DEDD2: variants seen among roughly 807,000 people sequenced by gnomAD.
DEDD2 encodes the protein death effector domain containing 2.
A neutral mutation model predicts 28.9 loss-of-function variants in DEDD2; 18 were observed. That is an observed-to-expected ratio of 0.62 (90% CI 0.43 to 0.92). The LOEUF is 0.92. DEDD2 is among the 40% of genes least tolerant of loss of function. The pLI is 0.00. For missense variants in DEDD2, 411 were observed against 463.3 expected (o/e 0.89, Z 1.04); for synonymous variants, 211 against 206.1 (o/e 1.02, Z -0.20).
intron 4 of DEDD2, among the ~76,000 whole-genome samples, chr19:42,204,878 A>G (rs2035470078): frequency 6.6e-6 from 1 of 152,084 alleles, no homozygotes; most frequent in Non-Finnish European, 1.5e-5. Context: ...CATCATGTCA[A>G]ATGGAAAGTT....
chr19:42,212,049 TA>T (rs1037274706), intron 3 of DEDD2: 1 of 146,850 alleles, frequency 6.8e-6, no homozygotes, highest in African/African-American at 2.5e-5. Flanking sequence ...ATAATAATAA[TA>T]ATAATAATAA....
intron 4 of DEDD2, among the ~76,000 whole-genome samples, chr19:42,200,973 C>A (rs1030008450): frequency 6.6e-6 from 1 of 152,222 alleles, no homozygotes; most frequent in Non-Finnish European, 1.5e-5. Context: ...TCTCTACACA[C>A]CCAACGAGGC....
chr19:42,212,211 C>T (rs185457378), intron 3 of DEDD2, among the ~76,000 whole-genome samples: 1 of 150,842 alleles, frequency 6.6e-6, no homozygotes, highest in African/African-American at 2.4e-5. Context: ...ACTAAAAATA[C>T]AAAAATCAGC....
chr19:42,211,150 C>T lies in DEDD2; in HGVS notation c.449-1310G>A, dbSNP rs374116039. Among the ~76,000 whole-genome samples the T allele has an allele frequency of 9.2e-4, 140 of 151,980 alleles. 7 individuals are homozygous for T. The South Asian group carries it at 0.028, about 30-fold the overall frequency. On this transcript the variant is annotated intron_variant, in intron 3 of 4. Transcript: ENST00000596251. ...ATGTTGTGGTTCATGTCTGTAATCC[C>T]AGCCTACGCCCTAGGAGTTCAAGAC...
rs1482493254 is a variant in DEDD2 at position 42,211,399 on chromosome 19, AAAAG to A, written c.449-1563_449-1560del. ...GACCCTCAAAGGGAGAAGGGAGAAG[AAAAG>A]GAAGGAAGGAAGGGAGAGAGGGACG... is the stretch of plus-strand genomic sequence containing the variant. On this transcript the variant is annotated intron_variant, in intron 3 of 4. Coordinates refer to ENST00000596251, the MANE Select transcript of DEDD2 (RefSeq NM_133328.4). 9.7e-5 allele frequency among the ~76,000 whole-genome samples: 14 copies of A among 144,350 alleles called. No homozygotes were observed. In the East Asian group the frequency reaches 3.0e-3, roughly 31 times the overall value. 94.7% of individuals were successfully genotyped at this position (144,350 alleles called of 152,430 possible).
rs1387945541 is a variant in DEDD2 at position 42,215,253 on chromosome 19, C to T, written c.329-1G>A. The T allele has an allele frequency of 6.2e-7, 1 of 1,613,860 alleles. No homozygotes were observed. Among genetic ancestry groups the T allele is most frequent in the Non-Finnish European group, 8.5e-7 (1 of 1,179,828 alleles). On this transcript the variant is annotated splice_acceptor_variant, in intron 2 of 4. Transcript: ENST00000596251. LOFTEE classifies it high-confidence loss of function. ...CCATAGCTATAGCGTTCTGGAGACA[C>T]TGGAGGAAGAGAAGAACAGGAAGAA...
rs939598392 is a variant in DEDD2, at chr19:42,199,856, G to A, written c.590-27C>T. On this transcript the variant is annotated intron_variant, in intron 4 of 4. Coordinates refer to ENST00000596251, the MANE Select transcript of DEDD2 (RefSeq NM_133328.4). The surrounding 1 kb of genome is among the most constrained non-coding windows in gnomAD (Gnocchi z 7.4). ...TGCAGGGGAAGGAGGGATTTGTCAG[G>A]GAGGGGGCCAACACTAGACACACTT... 2.6e-6 allele frequency: 4 copies of A among 1,561,466 alleles called. No individual in the cohort carries two copies. The highest frequency in any genetic ancestry group is 4.7e-5 in the East Asian group (2 of 42,182).
At chr19:42,219,729 C>A (rs1456610286), upstream of DEDD2, among the ~76,000 whole-genome samples, 1 of 152,204 alleles carries the variant, frequency 6.6e-6, no homozygotes, top group Non-Finnish European at 1.5e-5. Flanking sequence ...CACAAGGGGG[C>A]CTGGTAAGTG....
At chr19:42,209,548 C>A in intron 4 of DEDD2, 152 bp downstream of exon 4, 1 of 1,189,360 alleles carries the variant, frequency 8.4e-7, no homozygotes, top group Non-Finnish European at 1.2e-6. Flanking sequence ...GGCAAGATGG[C>A]GAGAGAAAGG....
intron 2 of DEDD2, among the ~76,000 whole-genome samples, chr19:42,216,031 A>C (rs1451481108): frequency 1.3e-5 from 2 of 152,046 alleles, no homozygotes; most frequent in Non-Finnish European, 2.9e-5. Context: ...GATGATGCCA[A>C]ACTCATTCCC....
At chr19:42,219,180 T>G (rs1346779760), upstream of DEDD2, among the ~76,000 whole-genome samples, 1 of 151,990 alleles carries the variant, frequency 6.6e-6, no homozygotes, top group Non-Finnish European at 1.5e-5. Context: ...GACGCATGCC[T>G]GTAATCCCAG....
intron 4 of DEDD2, chr19:42,202,015 T>C (rs2146853472): frequency 2.5e-6 from 1 of 398,680 alleles, no homozygotes; most frequent in East Asian, 3.6e-5. Flanking sequence ...GCTCTGCCAC[T>C]CTCTAAGCTG....
At chr19:42,202,595 T>C (rs537886157) in intron 4 of DEDD2, among the ~76,000 whole-genome samples, 37 of 152,258 alleles carry the variant, frequency 2.4e-4, no homozygotes, top group African/African-American at 8.9e-4. Context: ...CAACAGATAT[T>C]TTATGAATGC....
intron 4 of DEDD2, among the ~76,000 whole-genome samples, chr19:42,208,770 G>C (rs1365377536): frequency 6.6e-6 from 1 of 152,188 alleles, no homozygotes; most frequent in Non-Finnish European, 1.5e-5. Flanking sequence ...CAAGAGCCGG[G>C]AACCTTGCTG....
chr19:42,199,376 C>T lies in DEDD2; in HGVS notation c.*62G>A, dbSNP rs563081719. 21 of 1,478,608 alleles carry T rather than the reference C, an allele frequency of 1.4e-5. No homozygotes were observed. The East Asian group carries it at 3.2e-4, about 22-fold the overall frequency. 91.6% of individuals were successfully genotyped at this position (1,478,608 alleles called of 1,614,324 possible). On this transcript the variant is annotated 3_prime_UTR_variant, in exon 5 of 5. Coordinates refer to ENST00000596251, the MANE Select transcript of DEDD2 (RefSeq NM_133328.4). The surrounding 1 kb of genome is among the most constrained non-coding windows in gnomAD (Gnocchi z 7.4). ...ACAGTCCTCTAGGGGTAGAGATGGT[C>T]GTCCTCCCAGGAGAAGGTGGCCCGG...
intron 4 of DEDD2, chr19:42,201,889 T>C (rs2035344857): frequency 5.0e-6 from 2 of 397,434 alleles, no homozygotes; most frequent in East Asian, 3.6e-5. Context: ...TCAATCAATG[T>C]GGGTGGGAGA....
intron 3 of DEDD2, 68 bp downstream of exon 3, chr19:42,215,065 T>C: frequency 6.3e-7 from 1 of 1,595,106 alleles, no homozygotes; most frequent in Non-Finnish European, 8.5e-7. Context: ...CTCAGGCCCC[T>C]TCCTTGATGG....
chr19:42,208,101 G>C (rs2035605229), intron 4 of DEDD2, among the ~76,000 whole-genome samples: 1 of 152,194 alleles, frequency 6.6e-6, no homozygotes, highest in Non-Finnish European at 1.5e-5. Context: ...CTTCCCTGCA[G>C]CCTGAGAGCT....
chr19:42,199,900 C>CCTCCCTCCAGCCTT lies in DEDD2; in HGVS notation c.590-85_590-72dup. 1 of 1,489,558 alleles carries CCTCCCTCCAGCCTT rather than the reference C, an allele frequency of 6.7e-7. No individual in the cohort carries two copies. Among genetic ancestry groups the CCTCCCTCCAGCCTT allele is most frequent in the Non-Finnish European group, 9.0e-7 (1 of 1,114,086 alleles). The allele number at this position is 1,489,558 out of a possible 1,614,324, so 92.3% of individuals were successfully genotyped here. A position where few individuals can be genotyped will look rare whatever the true frequency, so the allele number is the denominator to read the frequency against. On this transcript the variant is annotated intron_variant, in intron 4 of 4. Transcript: ENST00000596251. The surrounding 1 kb of genome is among the most constrained non-coding windows in gnomAD (Gnocchi z 7.4). ...CACACTTATGGGGAACGCCACCCTT[C>CCTCCCTCCAGCCTT]CTCCCTCCAGCCTTCTCCCTCCACC...
Sources: gnomAD v4.1 joint callset for allele counts (sites outside exome capture counted in the v4.1 genomes callset) on GRCh38, gnomAD v4.1.1 for gene constraint, Gnocchi (gnomAD v3.1) non-coding constraint, MANE v1.5 for transcripts, NCBI Gene and HGNC (gene_info 2026-07-23, HGNC 2026-07-21) for gene names.